Variants in PCNX2 observed in about 807,000 individuals in gnomAD.
PCNX2 encodes the protein pecanex-like protein 2.
A neutral mutation model predicts 223.8 loss-of-function variants in PCNX2; 168 were observed. That is an observed-to-expected ratio of 0.75 (90% CI 0.66 to 0.85). The LOEUF (loss-of-function observed/expected upper bound fraction) is 0.85. PCNX2 is among the 40% of genes least tolerant of loss of function. PCNX2 has a pLI of 0.00. For missense variants in PCNX2, 2,507 were observed against 2,675.5 expected, an observed-to-expected ratio of 0.94 and a Z score of 1.39; for synonymous variants, 1,006 against 1,052.6, an observed-to-expected ratio of 0.96 and a Z score of 0.86.
At chr1:233,074,455 C>T (rs1281813981) in intron 23 of PCNX2, among the ~76,000 whole-genome samples, 13 of 151,260 alleles carry the variant, frequency 8.6e-5, no homozygotes, top group Admixed American at 5.9e-4. Flanking sequence ...ATTAGCTGGG[C>T]GTAGTGGCGG....
At chr1:233,241,279 G>A (rs1658747302) in intron 8 of PCNX2, 1 of 985,388 alleles carries the variant, frequency 1.0e-6, no homozygotes, top group Non-Finnish European at 1.2e-6. Flanking sequence ...TCATGTGGCA[G>A]CAGTGGCTGT....
intron 23 of PCNX2, among the ~76,000 whole-genome samples, chr1:233,062,412 A>G (rs1672439839): frequency 6.6e-6 from 1 of 152,078 alleles, no homozygotes; most frequent in African/African-American, 2.4e-5. Flanking sequence ...TTCTACCACT[A>G]CTGTGTTTCT....
chr1:233,310,077 T>A, the PCNX2 span, among the ~76,000 whole-genome samples: 1 of 152,124 alleles, frequency 6.6e-6, no homozygotes, highest in Non-Finnish European at 1.5e-5. Context: ...ATTTCAAACA[T>A]TCTCAGAGCA....
chr1:233,057,638 G>T, intron 23 of PCNX2: 1 of 189,920 alleles, frequency 5.3e-6, no homozygotes, highest in Admixed American at 5.9e-5. Flanking sequence ...GGGAGGCTGA[G>T]GCAGGCAGAT....
At chr1:233,299,663 G>C (rs572560863), upstream of PCNX2, among the ~76,000 whole-genome samples, 1 of 152,196 alleles carries the variant, frequency 6.6e-6, no homozygotes, top group African/African-American at 2.4e-5. Context: ...CAGGTGGTAC[G>C]ACAGAAAGGG....
In PCNX2 at chr1:233,002,000, A is replaced by G. The variant is rs529419533; in HGVS notation, c.4953-319T>C. Among the ~76,000 whole-genome samples, 1 of 152,304 alleles carries G rather than the reference A, an allele frequency of 6.6e-6. No homozygotes were observed. Among genetic ancestry groups the G allele is most frequent in the South Asian group, 2.1e-4 (1 of 4,820 alleles). ...CGTGTCCACTCAAAGTTAGAGTGCT[A>G]AAACACAGTTTCATCTACCCCAATG... On this transcript the variant is annotated intron_variant, in intron 28 of 33. Coordinates refer to ENST00000258229, the MANE Select transcript of PCNX2 (RefSeq NM_014801.4). This position sits in a 1 kb window ranked among gnomAD's most constrained non-coding sequence, Gnocchi z 4.2.
chr1:233,313,520 A>T, the PCNX2 span, among the ~76,000 whole-genome samples: 1 of 152,202 alleles, frequency 6.6e-6, no homozygotes, highest in African/African-American at 2.4e-5. Flanking sequence ...AACAGATTCA[A>T]CAACAGATTC....
intron 1 of PCNX2, among the ~76,000 whole-genome samples, chr1:233,283,923 T>C (rs1282901849): frequency 1.3e-5 from 2 of 152,160 alleles, no homozygotes; most frequent in African/African-American, 2.4e-5. Flanking sequence ...AATTTTACAA[T>C]AGGGACATCT....
chr1:233,122,115 GAGA>G (rs1675834974), intron 21 of PCNX2, among the ~76,000 whole-genome samples: 1 of 113,228 alleles, frequency 8.8e-6, no homozygotes, highest in Non-Finnish European at 2.1e-5. Context: ...CACAGAGGGA[GAGA>G]GAGAGAGAGA....
chr1:233,236,204 T>C (rs930050043), intron 9 of PCNX2, among the ~76,000 whole-genome samples: 1 of 151,876 alleles, frequency 6.6e-6, no homozygotes, highest in Non-Finnish European at 1.5e-5. Flanking sequence ...TCCTCCAAAA[T>C]GCCCAAAATT....
chr1:233,204,878 G>A (rs1681354142), intron 13 of PCNX2, among the ~76,000 whole-genome samples: 1 of 152,190 alleles, frequency 6.6e-6, no homozygotes, highest in Non-Finnish European at 1.5e-5. Context: ...AAGCTTTAAT[G>A]AGAGAAAGGG....
At position 232,999,446 on chromosome 1, in the gene PCNX2, C is replaced by CT. The variant is rs1000384952; in HGVS notation, c.5329-68dup. The CT allele has an allele frequency of 2.0e-5, 24 of 1,189,754 alleles. No individual in the cohort carries two copies. In the East Asian group the frequency reaches 5.0e-4, roughly 25 times the overall value. The allele number at this position is 1,189,754 out of a possible 1,614,324, so 73.7% of individuals were successfully genotyped here. ...GTGTTTTCCAGTCTATTGGTTTTTT[C>CT]TTTTTCTTTTTTTTTTTTTTTTTTG... On this transcript the variant is annotated intron_variant, in intron 30 of 33. Coordinates refer to ENST00000258229, the MANE Select transcript of PCNX2 (RefSeq NM_014801.4).
At chr1:233,267,569 C>A (rs1660407381) in intron 1 of PCNX2, among the ~76,000 whole-genome samples, 1 of 148,252 alleles carries the variant, frequency 6.7e-6, no homozygotes, top group South Asian at 2.2e-4. Context: ...CTTTCTGTCT[C>A]TATGATTTTG....
intron 1 of PCNX2, among the ~76,000 whole-genome samples, chr1:233,265,895 T>C (rs918294510): frequency 4.6e-5 from 7 of 152,198 alleles, no homozygotes; most frequent in Non-Finnish European, 7.3e-5. Flanking sequence ...CAGAGAGATA[T>C]TGCTTTTCAG....
rs760341851 is a variant in PCNX2, at chr1:232,986,403, C to A, written c.5929G>T (p.Ala1977Ser). 8 of 1,604,302 alleles carry A rather than the reference C, an allele frequency of 5.0e-6. No individual in the cohort carries two copies. The highest frequency in any genetic ancestry group is 6.8e-6 in the Non-Finnish European group (8 of 1,175,588). ...AGCCGGCTGCCCGAGAGCCTCTGGGCCAGCTCGTGCACTGAGGTGGACGTC... is the reference window on the plus strand; with the variant it reads ...AGCCGGCTGCCCGAGAGCCTCTGGGACAGCTCGTGCACTGAGGTGGACGTC... ...LQTSTSVHELAQRLSGSRLSL... is the reference protein window; with the variant it reads ...LQTSTSVHELSQRLSGSRLSL... The change falls in exon 33 of 34, where the codon GCC (alanine) becomes TCC (serine). Residue 1977 changes from alanine (A) to serine (S), a missense_variant. Around this residue, in one of 3 missense-constraint regions of PCNX2, gnomAD observed 1,372 missense variants for 1,509.4 expected, o/e 0.91. Coordinates refer to ENST00000258229, the MANE Select transcript of PCNX2 (RefSeq NM_014801.4).
At position 233,144,207 on chromosome 1, in the gene PCNX2, T is replaced by C. The variant is rs1295455799; in HGVS notation, c.3518-4352A>G. On this transcript the variant is annotated intron_variant, in intron 19 of 33. Transcript: ENST00000258229. ...AAAAACATGAAAAAAATACCCTCTT[T>C]TGGCCTTACATTTTCTTTCAGATGC... Among the ~76,000 whole-genome samples, 3 of 152,194 alleles carry C rather than the reference T, an allele frequency of 2.0e-5. No individual in the cohort carries two copies. In the East Asian group the frequency reaches 5.8e-4, roughly 29 times the overall value.
chr1:233,083,497 G>A (rs1404578720), intron 23 of PCNX2, among the ~76,000 whole-genome samples: 1 of 152,208 alleles, frequency 6.6e-6, no homozygotes, highest in East Asian at 1.9e-4. Context: ...AGCGAGAAGA[G>A]GCTGGATGGT....
At chr1:233,029,535 T>A (rs897066217) in intron 25 of PCNX2, among the ~76,000 whole-genome samples, 2 of 152,218 alleles carry the variant, frequency 1.3e-5, no homozygotes, top group East Asian at 3.9e-4. Flanking sequence ...ATATTGTTTT[T>A]TAGCCTGAAG....
chr1:233,175,662 G>A (rs745913364), intron 17 of PCNX2, among the ~76,000 whole-genome samples: 1 of 151,692 alleles, frequency 6.6e-6, no homozygotes, highest in Non-Finnish European at 1.5e-5. Context: ...AAATATTAGA[G>A]GTCAGGTTGT....
Sources: gnomAD v4.1 joint callset for allele counts (sites outside exome capture counted in the v4.1 genomes callset) on GRCh38, gnomAD v4.1.1 for gene constraint, gnomAD v4.1.1 regional missense constraint, Gnocchi (gnomAD v3.1) non-coding constraint, MANE v1.5 for transcripts, NCBI Gene and HGNC (gene_info 2026-07-23, HGNC 2026-07-21) for gene names.